ZNF385D: variants seen among roughly 807,000 people sequenced by gnomAD.
ZNF385D encodes zinc finger protein 385D.
Under a neutral mutation model 35.8 loss-of-function variants are expected in ZNF385D, and 15 were observed. The ratio of observed to expected loss-of-function variants is 0.42; its 90% CI spans 0.28 to 0.64. The LOEUF (loss-of-function observed/expected upper bound fraction) is 0.64, where lower values mean the gene tolerates loss of function less well. ZNF385D is among the 30% of genes least tolerant of loss of function. The pLI, the probability that ZNF385D is intolerant of heterozygous loss-of-function variation, is 0.23. For missense variants in ZNF385D, 474 were observed against 494.6 expected, an observed-to-expected ratio of 0.96 and a Z score of 0.39; for synonymous variants, 212 against 186.8, an observed-to-expected ratio of 1.13 and a Z score of -1.10.
At position 21,750,964 on chromosome 3, in the gene ZNF385D, C is replaced by T. The variant is rs374829726; in HGVS notation, c.-48G>A. ...CCGCGGTGTCTTCAGCATCAGCTCT[C>T]ACCCAAGGCTGGCACGTAGAGCAGA... On this transcript the variant is annotated 5_prime_UTR_variant, in exon 1 of 8. Transcript: ENST00000281523. 11 of 1,613,790 alleles carry T rather than the reference C, an allele frequency of 6.8e-6. No individual in the cohort carries two copies. Among genetic ancestry groups the T allele is most frequent in the South Asian group, 4.4e-5 (4 of 91,078 alleles).
Position 21,997,811 on chromosome 3 carries a change from G to C in ZNF385D, c.325+171006C>G, listed in dbSNP as rs1054302127. Among the ~76,000 whole-genome samples the C allele has an allele frequency of 2.0e-5, 3 of 151,482 alleles. No homozygotes were observed. In the South Asian group the frequency reaches 6.3e-4, roughly 32 times the overall value. On this transcript the variant is annotated intron_variant, in intron 3 of 5. Transcript: ENST00000494108. ...AGGAATTCTTAACTCAAAGTCTCTG[G>C]ATAGAATCTGAATCTGGTGGGGTTT... is the stretch of plus-strand genomic sequence containing the variant.
intron 2 of ZNF385D, among the ~76,000 whole-genome samples, chr3:22,203,198 T>G (rs1312537394): frequency 6.6e-6 from 1 of 152,000 alleles, no homozygotes. Context: ...GGACACCAGC[T>G]TAGCCACAAC....
At chr3:22,198,127 C>T (rs777360721) in intron 2 of ZNF385D, among the ~76,000 whole-genome samples, 1 of 152,000 alleles carries the variant, frequency 6.6e-6, no homozygotes, top group Non-Finnish European at 1.5e-5. Context: ...GACACAGAAA[C>T]TGTGTATACA....
intron 3 of ZNF385D, among the ~76,000 whole-genome samples, chr3:21,549,438 A>G (rs2062492828): frequency 6.6e-6 from 1 of 152,132 alleles, no homozygotes; most frequent in Admixed American, 6.5e-5. Flanking sequence ...AGAATTCCTC[A>G]CAGAGTTGGG....
chr3:22,206,229 C>A (rs1697142462), intron 2 of ZNF385D, among the ~76,000 whole-genome samples: 1 of 151,738 alleles, frequency 6.6e-6, no homozygotes. Flanking sequence ...GAAGAGGATA[C>A]AACAATTGTA....
At chr3:22,145,416 T>C (rs1704789198) in intron 3 of ZNF385D, among the ~76,000 whole-genome samples, 1 of 152,244 alleles carries the variant, frequency 6.6e-6, no homozygotes, top group South Asian at 2.1e-4. Context: ...TGAAGAAGTC[T>C]CCTCTCTTCA....
At chr3:21,850,106 T>C (rs919852895) in intron 3 of ZNF385D, among the ~76,000 whole-genome samples, 2 of 152,106 alleles carry the variant, frequency 1.3e-5, no homozygotes, top group African/African-American at 4.8e-5. Flanking sequence ...ATTATCAATA[T>C]GGACATGTAA....
intron 3 of ZNF385D, among the ~76,000 whole-genome samples, chr3:21,923,440 A>G (rs1453119790): frequency 6.6e-6 from 1 of 152,210 alleles, no homozygotes; most frequent in Non-Finnish European, 1.5e-5. Flanking sequence ...CACTGGGGAA[A>G]GCAGTTTGGA....
At chr3:21,958,902 A>T (rs1296915644) in intron 3 of ZNF385D, 1 of 152,112 alleles carries the variant, frequency 6.6e-6, no homozygotes, top group African/African-American at 2.4e-5. Context: ...TAAATGAAAC[A>T]TTGTATTACA....
chr3:21,987,202 C>A (rs1312492624), intron 3 of ZNF385D, among the ~76,000 whole-genome samples: 3 of 137,674 alleles, frequency 2.2e-5, no homozygotes, highest in Non-Finnish European at 3.1e-5. Context: ...TGAATTTGAT[C>A]CTGTCATTAT....
chr3:21,755,182 G>T (rs749614054), upstream of ZNF385D, among the ~76,000 whole-genome samples: 1 of 152,244 alleles, frequency 6.6e-6, no homozygotes, highest in African/African-American at 2.4e-5. Flanking sequence ...CTTTAGTTTA[G>T]TCCACCTTTA....
rs1700423698 is a variant in ZNF385D at position 22,075,541 on chromosome 3, C to T, written c.325+93276G>A. ...CTTCTTTCTTGGATTTCATGTAACT[C>T]ATGCCCCTGGTTTTCTCTTCCAGAA... On this transcript the variant is annotated intron_variant, in intron 3 of 5. Transcript: ENST00000494108. 2.6e-5 allele frequency among the ~76,000 whole-genome samples: 4 copies of T among 151,996 alleles called. No homozygotes were observed. In the South Asian group the frequency reaches 8.3e-4, roughly 32 times the overall value.
At chr3:21,812,429 G>C (rs1305345289) in intron 3 of ZNF385D, among the ~76,000 whole-genome samples, 4 of 152,248 alleles carry the variant, frequency 2.6e-5, no homozygotes, top group Non-Finnish European at 5.9e-5. Flanking sequence ...AAGAGGTTGG[G>C]GAATTCCCTT....
chr3:21,677,698 C>G (rs2066771488), intron 1 of ZNF385D, among the ~76,000 whole-genome samples: 1 of 151,876 alleles, frequency 6.6e-6, no homozygotes, highest in South Asian at 2.1e-4. Context: ...GTCCTAATTT[C>G]AAATAATAAT....
At chr3:21,963,503 T>C (rs1235884051) in intron 3 of ZNF385D, among the ~76,000 whole-genome samples, 1 of 152,212 alleles carries the variant, frequency 6.6e-6, no homozygotes, top group Non-Finnish European at 1.5e-5. Context: ...CTGAACATAG[T>C]AATCCATATA....
chr3:21,777,026 T>C (rs1286861752), intron 3 of ZNF385D, among the ~76,000 whole-genome samples: 5 of 151,994 alleles, frequency 3.3e-5, no homozygotes, highest in African/African-American at 9.7e-5. Flanking sequence ...CCCCCAAACA[T>C]GCTACTTACT....
intron 3 of ZNF385D, among the ~76,000 whole-genome samples, chr3:22,107,476 T>C (rs1702286853): frequency 6.6e-6 from 1 of 152,098 alleles, no homozygotes; most frequent in Admixed American, 6.6e-5. Flanking sequence ...AAACTACTAA[T>C]CTTAAAAAAC....
At chr3:22,343,733 C>T (rs890351073) in intron 2 of ZNF385D, among the ~76,000 whole-genome samples, 8 of 152,330 alleles carry the variant, frequency 5.3e-5, no homozygotes, top group African/African-American at 1.9e-4. Context: ...GTTTTTAATG[C>T]TTGCATCTGA....
chr3:22,239,076 A>G (rs1225303539), intron 2 of ZNF385D, among the ~76,000 whole-genome samples: 1 of 150,970 alleles, frequency 6.6e-6, no homozygotes, highest in Non-Finnish European at 1.5e-5. Context: ...TTTAAAGTGA[A>G]CTAGAATTCA....
Sources: allele counts gnomAD v4.1 joint callset (sites outside exome capture counted in the v4.1 genomes callset), GRCh38; gene constraint gnomAD v4.1.1; transcripts MANE v1.5; gene names NCBI Gene and HGNC (gene_info 2026-07-23, HGNC 2026-07-21).